GOLM2: variants seen among roughly 807,000 people sequenced by gnomAD.
The protein encoded by GOLM2 is protein GOLM2.
Under a neutral mutation model 55.9 loss-of-function variants are expected in GOLM2, and 26 were observed. The ratio of observed to expected loss-of-function variants is 0.47; its 90% CI spans 0.34 to 0.65. The LOEUF (loss-of-function observed/expected upper bound fraction) is 0.65, where lower values mean the gene tolerates loss of function less well. Among genes scored for constraint, GOLM2 ranks in the 30% least tolerant of loss-of-function variants. GOLM2 has a pLI of 0.01. For missense variants in GOLM2, 486 were observed against 531.8 expected (o/e 0.91, Z 0.85); for synonymous variants, 165 against 194.6 (o/e 0.85, Z 1.27).
At chr15:44,334,565 A>T (rs1394394622) in intron 4 of GOLM2, among the ~76,000 whole-genome samples, 1 of 152,264 alleles carries the variant, frequency 6.6e-6, no homozygotes, top group Non-Finnish European at 1.5e-5. Context: ...GGTTGAAAAA[A>T]ATCAAGAAAA....
At chr15:44,399,832 TAAAAACACAAA>T (rs747102081) in intron 8 of GOLM2, among the ~76,000 whole-genome samples, 49 of 151,934 alleles carry the variant, frequency 3.2e-4, no homozygotes, top group Non-Finnish European at 1.2e-4. Flanking sequence ...CCGTCTGTAC[TAAAAACACAAA>T]AATTAGCCGG....
intron 1 of GOLM2, among the ~76,000 whole-genome samples, chr15:44,302,367 A>G (rs1235664822): frequency 1.3e-5 from 2 of 151,040 alleles, no homozygotes; most frequent in South Asian, 2.1e-4. Flanking sequence ...CTGGTCTCAA[A>G]CTCCTGGCCT....
chr15:44,382,318 T>C (rs1216738850), intron 8 of GOLM2: 1 of 151,886 alleles, frequency 6.6e-6, no homozygotes, highest in African/African-American at 2.4e-5. Context: ...TTTTTTTAAA[T>C]TTTTTTTGAG....
At chr15:44,351,386 C>T (rs1252497688) in intron 6 of GOLM2, among the ~76,000 whole-genome samples, 1 of 151,788 alleles carries the variant, frequency 6.6e-6, no homozygotes, top group Non-Finnish European at 1.5e-5. Context: ...ACCATCCTGG[C>T]TAACATGGTG....
chr15:44,303,368 T>C (rs927227698), intron 1 of GOLM2, among the ~76,000 whole-genome samples: 1 of 152,182 alleles, frequency 6.6e-6, no homozygotes, highest in African/African-American at 2.4e-5. Context: ...GCTTGTCAAC[T>C]CATCTTTCTA....
chr15:44,380,105 C>A (rs192350641), intron 7 of GOLM2, among the ~76,000 whole-genome samples: 1 of 152,192 alleles, frequency 6.6e-6, no homozygotes, highest in Non-Finnish European at 1.5e-5. Context: ...CTCATAGAGG[C>A]CTTCTATAAA....
In GOLM2 at chr15:44,337,761, AG is replaced by A; in HGVS notation, c.577-1del. 1 of 1,564,682 alleles carries A rather than the reference AG, an allele frequency of 6.4e-7. No homozygotes were observed. Among genetic ancestry groups the A allele is most frequent in the Non-Finnish European group, 8.6e-7 (1 of 1,165,024 alleles). On this transcript the variant is annotated splice_acceptor_variant, in intron 4 of 9. Coordinates refer to ENST00000299957, the MANE Select transcript of GOLM2 (RefSeq NM_138423.4). LOFTEE classifies it high-confidence loss of function. ...ATATTATTACCAAATTTTGTCTAAC[AG>A]CAAGAGACCCAAAAGATTCAATCAA... is the stretch of plus-strand genomic sequence containing the variant.
Position 44,375,683 on chromosome 15 carries a change from A to G in GOLM2, c.803-4007A>G, listed in dbSNP as rs117754926. On this transcript the variant is annotated intron_variant, in intron 6 of 9. Transcript: ENST00000299957. ...GTAGTCCCAGCTAGTCAGGAGGTTG[A>G]GGTGGGAGGACTGCTTGAGCCCCGG... Among the ~76,000 whole-genome samples the G allele has an allele frequency of 8.7e-3, 1,327 of 152,240 alleles. 23 individuals are homozygous for G. The highest frequency in any genetic ancestry group is 0.042 in the East Asian group (219 of 5,178).
chr15:44,354,783 GTCA>G (rs1248109553), intron 6 of GOLM2: 1 of 194,942 alleles, frequency 5.1e-6, no homozygotes, highest in East Asian at 1.2e-4. Context: ...AGTGGATATT[GTCA>G]TCATCAGTGA....
In GOLM2 at chr15:44,378,841, A is replaced by G. The variant is rs532094111; in HGVS notation, c.803-849A>G. 1.7e-4 allele frequency among the ~76,000 whole-genome samples: 25 copies of G among 148,696 alleles called. 1 individual carries two copies. The South Asian group carries it at 5.4e-3, about 32-fold the overall frequency. On this transcript the variant is annotated intron_variant, in intron 6 of 9. Coordinates refer to ENST00000299957, the MANE Select transcript of GOLM2 (RefSeq NM_138423.4). ...GCTCACTGCAACTTCCGCCTCCCAG[A>G]TTCAAGTGATTCTCCTATCTCAGCC...
At chr15:44,397,825 C>A (rs1017203617) in intron 8 of GOLM2, among the ~76,000 whole-genome samples, 1 of 152,110 alleles carries the variant, frequency 6.6e-6, no homozygotes, top group Admixed American at 6.6e-5. Flanking sequence ...TTATCTAAAG[C>A]AACATTTGCT....
At chr15:44,355,633 T>A (rs2079192904) in intron 6 of GOLM2, 1 of 222,400 alleles carries the variant, frequency 4.5e-6, no homozygotes, top group Non-Finnish European at 9.1e-6. Flanking sequence ...GTATGACAAT[T>A]AGTTTTGCTA....
rs571182319 is a variant in GOLM2 at position 44,357,716 on chromosome 15, G to A, written c.802+19399G>A. Among the ~76,000 whole-genome samples, 5 of 152,176 alleles carry A rather than the reference G, an allele frequency of 3.3e-5. No homozygotes were observed. The East Asian group carries it at 9.7e-4, about 29-fold the overall frequency. On this transcript the variant is annotated intron_variant, in intron 6 of 9. Transcript: ENST00000299957. ...TTATAGAAAGGTTGCAGGATATAAG[G>A]TTAATATACAAAAGTTAATCACTTT...
intron 1 of GOLM2, among the ~76,000 whole-genome samples, chr15:44,291,740 A>G (rs1165828380): frequency 6.6e-6 from 1 of 152,158 alleles, no homozygotes; most frequent in Non-Finnish European, 1.5e-5. Context: ...GTCACCTAGT[A>G]AGGGACTCTG....
At chr15:44,343,760 G>T (rs2141151884) in intron 6 of GOLM2, among the ~76,000 whole-genome samples, 1 of 150,898 alleles carries the variant, frequency 6.6e-6, no homozygotes, top group East Asian at 1.9e-4. Flanking sequence ...AGGAGGCAGA[G>T]CTGCAGTGAA....
chr15:44,393,771 A>C (rs1213778183), intron 8 of GOLM2, among the ~76,000 whole-genome samples: 3 of 152,138 alleles, frequency 2.0e-5, no homozygotes, highest in African/African-American at 4.8e-5. Context: ...GGCTCACTGC[A>C]ATCTCCACCT....
At chr15:44,403,998 T>A (rs1014934150) in intron 9 of GOLM2, among the ~76,000 whole-genome samples, 1 of 152,230 alleles carries the variant, frequency 6.6e-6, no homozygotes, top group Non-Finnish European at 1.5e-5. Context: ...AAGTTCAGAA[T>A]CTACCTGTGT....
chr15:44,328,718 G>A lies in GOLM2; in HGVS notation c.416G>A (p.Arg139Gln), dbSNP rs1225761457. 1.1e-5 allele frequency: 17 copies of A among 1,612,952 alleles called. No individual in the cohort carries two copies. The highest frequency in any genetic ancestry group is 1.6e-4 in the Middle Eastern group (1 of 6,074). ...GCTGAGCTTCGTCAGGAATTTCTTC[G>A]ACAAGAAGACCAGCTTCAGGACTAT... ...QLAELRQEFLRQEDQLQDYRK... is the reference protein window; with the variant it reads ...QLAELRQEFLQQEDQLQDYRK... Residue 139 changes from arginine (R) to glutamine (Q), a missense_variant, in exon 3 of 10, where the codon CGA becomes CAA. Coordinates refer to ENST00000299957, the MANE Select transcript of GOLM2 (RefSeq NM_138423.4).
intron 8 of GOLM2, among the ~76,000 whole-genome samples, chr15:44,388,136 C>T (rs925924203): frequency 9.6e-4 from 145 of 151,080 alleles, no homozygotes; most frequent in African/African-American, 3.4e-3. Flanking sequence ...ATTAGCTGGG[C>T]TTGTTGGTGC....
Sources: allele counts gnomAD v4.1 joint callset (sites outside exome capture counted in the v4.1 genomes callset), GRCh38; gene constraint gnomAD v4.1.1; transcripts MANE v1.5; gene names NCBI Gene and HGNC (gene_info 2026-07-23, HGNC 2026-07-21).